The following AFG2A variants were observed in gnomAD, a reference collection of about 807,000 sequenced individuals.
AFG2A encodes the protein ATPase family gene 2 protein homolog A.
chr4:122,927,129 T>C, the AFG2A span, among the ~76,000 whole-genome samples: 1 of 152,138 alleles, frequency 6.6e-6, no homozygotes, highest in African/African-American at 2.4e-5. Context: ...TCACTAGTGG[T>C]GTGTGTTCGT....
chr4:123,013,162 T>C, the AFG2A span, among the ~76,000 whole-genome samples: 1 of 151,922 alleles, frequency 6.6e-6, no homozygotes, highest in South Asian at 2.1e-4. Flanking sequence ...GGTCACAGGG[T>C]GCTCAGTGGG....
chr4:123,070,456 T>C, the AFG2A span, among the ~76,000 whole-genome samples: 2 of 152,056 alleles, frequency 1.3e-5, no homozygotes, highest in African/African-American at 2.4e-5. Flanking sequence ...GTTCTGGAGG[T>C]TGTGAACTCC....
the AFG2A span, among the ~76,000 whole-genome samples, chr4:123,008,891 T>C: frequency 1.3e-5 from 2 of 152,308 alleles, no homozygotes; most frequent in African/African-American, 4.8e-5. Context: ...GGGTTGAATG[T>C]AGATGGAGAG....
At chr4:123,172,269 A>C in the AFG2A span, among the ~76,000 whole-genome samples, 1 of 152,234 alleles carries the variant, frequency 6.6e-6, no homozygotes, top group South Asian at 2.1e-4. Flanking sequence ...ACACTTTATA[A>C]AAATTGTTAT....
the AFG2A span, among the ~76,000 whole-genome samples, chr4:123,224,510 TTCA>T: frequency 6.6e-6 from 1 of 152,304 alleles, no homozygotes; most frequent in South Asian, 2.1e-4. Context: ...GGTTTCCAGC[TTCA>T]TCCATGTCCC....
the AFG2A span, among the ~76,000 whole-genome samples, chr4:123,016,346 G>C: frequency 6.6e-6 from 1 of 150,780 alleles, no homozygotes; most frequent in African/African-American, 2.4e-5. Flanking sequence ...CCGGGTGGAG[G>C]GGCTCCTCAC....
At chr4:123,165,371 G>A in the AFG2A span, among the ~76,000 whole-genome samples, 1 of 151,668 alleles carries the variant, frequency 6.6e-6, no homozygotes, top group Non-Finnish European at 1.5e-5. Context: ...TGAATTTTGT[G>A]GTATGTAAAT....
the AFG2A span, among the ~76,000 whole-genome samples, chr4:123,226,130 C>A: frequency 1.3e-5 from 2 of 152,156 alleles, no homozygotes; most frequent in Non-Finnish European, 2.9e-5. Flanking sequence ...AAGGGGTTTT[C>A]TAGATATACA....
the AFG2A span, among the ~76,000 whole-genome samples, chr4:122,946,670 C>G: frequency 3.3e-5 from 5 of 151,778 alleles, no homozygotes; most frequent in Admixed American, 6.6e-5. Context: ...GTAAAAATAC[C>G]TATATATTCA....
chr4:122,949,325 G>A, the AFG2A span, among the ~76,000 whole-genome samples: 5 of 152,122 alleles, frequency 3.3e-5, no homozygotes, highest in African/African-American at 4.8e-5. Flanking sequence ...TTTACCAGGC[G>A]GAAAATATGC....
At chr4:123,281,901 G>A in the AFG2A span, among the ~76,000 whole-genome samples, 1 of 152,098 alleles carries the variant, frequency 6.6e-6, no homozygotes, top group Non-Finnish European at 1.5e-5. Context: ...AAACTATGGA[G>A]ACTAAAAAAG....
the AFG2A span, among the ~76,000 whole-genome samples, chr4:122,976,521 C>CT: frequency 6.6e-6 from 1 of 152,264 alleles, no homozygotes; most frequent in South Asian, 2.1e-4. Context: ...TTTTCTTTCC[C>CT]TTTTAAAACA....
At chr4:123,217,591 G>GT in the AFG2A span, among the ~76,000 whole-genome samples, 1 of 152,196 alleles carries the variant, frequency 6.6e-6, no homozygotes, top group Non-Finnish European at 1.5e-5. Context: ...ATGGTACTCT[G>GT]AAGTATCTGT....
At chr4:123,195,603 A>T in the AFG2A span, among the ~76,000 whole-genome samples, 1 of 152,232 alleles carries the variant, frequency 6.6e-6, no homozygotes, top group Non-Finnish European at 1.5e-5. Flanking sequence ...AACATATCTT[A>T]TTAAGATAAG....
At chr4:122,972,117 A>G in the AFG2A span, among the ~76,000 whole-genome samples, 1 of 152,270 alleles carries the variant, frequency 6.6e-6, no homozygotes, top group South Asian at 2.1e-4. Context: ...GACATTTATC[A>G]GTGAAGCCAT....
At chr4:123,160,532 C>T in the AFG2A span, among the ~76,000 whole-genome samples, 4 of 152,158 alleles carry the variant, frequency 2.6e-5, no homozygotes, top group Non-Finnish European at 5.9e-5. Flanking sequence ...CTCCCTCTTA[C>T]AAGATTCTCT....
the AFG2A span, among the ~76,000 whole-genome samples, chr4:123,189,742 G>A: frequency 6.8e-6 from 1 of 148,084 alleles, no homozygotes; most frequent in African/African-American, 2.5e-5. Flanking sequence ...AGCCACTTTT[G>A]CATAGATTAA....
the AFG2A span, among the ~76,000 whole-genome samples, chr4:122,940,341 G>A: frequency 6.6e-6 from 1 of 152,068 alleles, no homozygotes; most frequent in South Asian, 2.1e-4. Flanking sequence ...GTGTGAGATG[G>A]TATCTCATTG....
chr4:123,263,976 C>CA, the AFG2A span, among the ~76,000 whole-genome samples: 2 of 152,090 alleles, frequency 1.3e-5, no homozygotes, highest in African/African-American at 4.8e-5. Flanking sequence ...CATCAATCAA[C>CA]AAGTGGATAC....
Sources: allele counts gnomAD v4.1 joint callset (sites outside exome capture counted in the v4.1 genomes callset), GRCh38; gene constraint gnomAD v4.1.1; transcripts MANE v1.5; gene names NCBI Gene and HGNC (gene_info 2026-07-23, HGNC 2026-07-21).